Variants in NELL2 observed in about 807,000 individuals in gnomAD.
NELL2 encodes the protein neural EGFL like 2.
NELL2 carries 41 observed loss-of-function variants against 109.6 expected under a neutral mutation model. The observed-to-expected ratio is 0.37, with a 90% CI of 0.29 to 0.49. The LOEUF is 0.49. NELL2 is among the 20% of genes least tolerant of loss of function. The probability of loss-of-function intolerance (pLI) is 0.98; values close to 1 mark genes in which losing one functional copy is unlikely to be tolerated. For missense variants in NELL2, 900 were observed against 1,008.3 expected (o/e 0.89, Z 1.45); for synonymous variants, 355 against 344.7 (o/e 1.03, Z -0.33).
At chr12:44,767,197 A>G (rs1047243770) in intron 9 of NELL2, among the ~76,000 whole-genome samples, 16 of 152,196 alleles carry the variant, frequency 1.1e-4, no homozygotes, top group Admixed American at 5.9e-4. Context: ...ACAATTTTAT[A>G]TGAGTGCACC....
chr12:44,830,892 C>A (rs949850645), intron 2 of NELL2, among the ~76,000 whole-genome samples: 1 of 151,676 alleles, frequency 6.6e-6, no homozygotes, highest in Non-Finnish European at 1.5e-5. Context: ...TCATTCTCTC[C>A]CTCTCTCTCT....
chr12:44,580,482 C>T (rs1038680605), intron 15 of NELL2, among the ~76,000 whole-genome samples: 11 of 152,018 alleles, frequency 7.2e-5, no homozygotes, highest in African/African-American at 2.2e-4. Context: ...TTTGGGAGGC[C>T]GAGGTGGGCA....
At chr12:44,621,958 G>A (rs975229560) in intron 13 of NELL2, among the ~76,000 whole-genome samples, 4 of 151,962 alleles carry the variant, frequency 2.6e-5, no homozygotes, top group Middle Eastern at 3.2e-3. Flanking sequence ...CTGTCCTCAC[G>A]CTGTCAGGGA....
At chr12:44,614,913 T>A (rs1028671002) in intron 13 of NELL2, among the ~76,000 whole-genome samples, 1 of 152,008 alleles carries the variant, frequency 6.6e-6, no homozygotes, top group Non-Finnish European at 1.5e-5. Context: ...CTTCAGAAAA[T>A]AGGAGTGAAA....
rs550932316 is a variant in NELL2, at chr12:44,865,139, C to A, written c.184+10086G>T. Among the ~76,000 whole-genome samples, 552 of 121,444 alleles carry A rather than the reference C, an allele frequency of 4.5e-3. 3 individuals carry two copies. The highest frequency in any genetic ancestry group is 0.015 in the Middle Eastern group (4 of 274). The allele number at this position is 121,444 out of a possible 152,430, so 79.7% of individuals were successfully genotyped here. On this transcript the variant is annotated intron_variant, in intron 2 of 19. Transcript: ENST00000429094. ...TGGCCAGTGATGATGAGCATTTTTT[C>A]ATGTGTTTTTTGGCTGCATAAATGT...
chr12:44,707,521 A>T (rs1482570627), intron 11 of NELL2, among the ~76,000 whole-genome samples: 1 of 152,030 alleles, frequency 6.6e-6, no homozygotes, highest in Non-Finnish European at 1.5e-5. Context: ...TACATATTCC[A>T]TTTTTTTGCC....
chr12:44,864,260 A>G (rs1354000947), intron 2 of NELL2, among the ~76,000 whole-genome samples: 1 of 152,178 alleles, frequency 6.6e-6, no homozygotes, highest in Non-Finnish European at 1.5e-5. Flanking sequence ...TGCTATCAAA[A>G]GACATAAAGT....
At chr12:44,696,411 A>G (rs901238285) in intron 12 of NELL2, among the ~76,000 whole-genome samples, 4 of 152,322 alleles carry the variant, frequency 2.6e-5, no homozygotes, top group Middle Eastern at 3.4e-3. Context: ...AATTTTAGGT[A>G]GAATTCAAAT....
chr12:44,612,474 C>T (rs1218603431), intron 13 of NELL2, among the ~76,000 whole-genome samples: 1 of 151,512 alleles, frequency 6.6e-6, no homozygotes, highest in Non-Finnish European at 1.5e-5. Flanking sequence ...TACAAAATTC[C>T]ACCCATATTA....
At chr12:44,851,989 A>C (rs1944548062) in intron 2 of NELL2, 1 of 152,160 alleles carries the variant, frequency 6.6e-6, no homozygotes, top group Non-Finnish European at 1.5e-5. Flanking sequence ...AACTTCTCTA[A>C]TTAAAAGCAA....
intron 15 of NELL2, among the ~76,000 whole-genome samples, chr12:44,551,924 T>C (rs1943057260): frequency 6.6e-6 from 1 of 152,094 alleles, no homozygotes; most frequent in South Asian, 2.1e-4. Context: ...TCAGAGAACA[T>C]GAAATTCTCC....
chr12:44,730,627 C>A (rs1202857365), intron 9 of NELL2, among the ~76,000 whole-genome samples: 1 of 151,630 alleles, frequency 6.6e-6, no homozygotes, highest in Non-Finnish European at 1.5e-5. Context: ...TGAAACACAG[C>A]AAAAGCAGTA....
At chr12:44,712,486 C>A (rs1007869131) in intron 10 of NELL2, among the ~76,000 whole-genome samples, 24 of 151,826 alleles carry the variant, frequency 1.6e-4, no homozygotes, top group Non-Finnish European at 8.8e-5. Flanking sequence ...GTCACAGACC[C>A]CTAGGACTGC....
rs931638435 is a variant in NELL2 at position 44,847,814 on chromosome 12, T to C, written c.184+27411A>G. Among the ~76,000 whole-genome samples, 5 of 151,774 alleles carry C rather than the reference T, an allele frequency of 3.3e-5. No homozygotes were observed. The East Asian group carries it at 7.7e-4, about 23-fold the overall frequency. Reference sequence around the variant, plus strand: ...TGGGAGACTGCAGCAGGTGGATCACTTGAGGCCGGGAGTTCAAGACCATCC... The same window carrying C: ...TGGGAGACTGCAGCAGGTGGATCACCTGAGGCCGGGAGTTCAAGACCATCC... On this transcript the variant is annotated intron_variant, in intron 2 of 19. Coordinates refer to ENST00000429094, the MANE Select transcript of NELL2 (RefSeq NM_001145108.2).
intron 12 of NELL2, among the ~76,000 whole-genome samples, chr12:44,690,154 A>G (rs1948855514): frequency 6.6e-6 from 1 of 152,170 alleles, no homozygotes; most frequent in Non-Finnish European, 1.5e-5. Context: ...GTGTCCAGGA[A>G]TGTGCATTTT....
chr12:44,875,105 A>G (rs1945274408), intron 2 of NELL2, 120 bp downstream of exon 2: 2 of 1,347,318 alleles, frequency 1.5e-6, no homozygotes, highest in Non-Finnish European at 2.0e-6. Flanking sequence ...GCCCTTCTAC[A>G]CCTCAGCTAA....
At chr12:44,699,513 G>A (rs1566189352) in intron 12 of NELL2, among the ~76,000 whole-genome samples, 1 of 152,114 alleles carries the variant, frequency 6.6e-6, no homozygotes, top group Admixed American at 6.5e-5. Context: ...GGGTCGGGCA[G>A]AAGAATCCCT....
chr12:44,896,553 T>C (rs1945594901), intron 1 of NELL2, among the ~76,000 whole-genome samples: 1 of 152,172 alleles, frequency 6.6e-6, no homozygotes, highest in South Asian at 2.1e-4. Context: ...AAGGAACATA[T>C]AAACTAGCCT....
At chr12:44,894,815 T>C (rs1303501302) in intron 1 of NELL2, among the ~76,000 whole-genome samples, 1 of 152,196 alleles carries the variant, frequency 6.6e-6, no homozygotes, top group Non-Finnish European at 1.5e-5. Context: ...TTTGCATCCA[T>C]ATATTTAGAT....
Sources: gnomAD v4.1 joint callset for allele counts (sites outside exome capture counted in the v4.1 genomes callset) on GRCh38, gnomAD v4.1.1 for gene constraint, MANE v1.5 for transcripts, NCBI Gene and HGNC (gene_info 2026-07-23, HGNC 2026-07-21) for gene names.